The following C1QTNF7 variants were observed in gnomAD, a reference collection of about 807,000 sequenced individuals.
The protein encoded by C1QTNF7 is complement C1q tumor necrosis factor-related protein 7.
A neutral mutation model predicts 19.6 loss-of-function variants in C1QTNF7; 15 were observed. The ratio of observed to expected loss-of-function variants is 0.76; its 90% CI spans 0.51 to 1.18. C1QTNF7 has a LOEUF of 1.18. C1QTNF7 is among the 50% of genes most tolerant of loss of function. C1QTNF7 has a pLI of 0.00. For missense variants in C1QTNF7, 324 were observed against 359.7 expected, an observed-to-expected ratio of 0.90 and a Z score of 0.80; for synonymous variants, 142 against 137.5, an observed-to-expected ratio of 1.03 and a Z score of -0.23.
rs557588501 is a variant in C1QTNF7 at position 15,382,900 on chromosome 4, C to T, written c.13+42693C>T. ...TCACCACATTTCCTGGCCCAAGTGC[C>T]GCCAAAGTCATTACATGTTCATTGA... is the stretch of plus-strand genomic sequence containing the variant. On this transcript the variant is annotated intron_variant, in intron 1 of 2. Coordinates refer to the C1QTNF7 transcript ENST00000295297. Among the ~76,000 whole-genome samples, 21 of 152,294 alleles carry T rather than the reference C, an allele frequency of 1.4e-4. No individual in the cohort carries two copies. In the East Asian group the frequency reaches 1.9e-3, roughly 14 times the overall value.
Position 15,442,611 on chromosome 4 carries a change from C to G in C1QTNF7, c.682C>G (p.His228Asp). 1.2e-6 allele frequency: 2 copies of G among 1,614,168 alleles called. No homozygotes were observed. Among genetic ancestry groups the G allele is most frequent in the South Asian group, 2.2e-5 (2 of 91,078 alleles). The change falls in exon 3 of 3, where the codon CAT becomes GAT. Residue 228 changes from histidine to aspartate, a missense_variant. Coordinates refer to ENST00000444304, the MANE Select transcript of C1QTNF7 (RefSeq NM_031911.5). ...IKTFDANTGN[H>D]DVASGSTVIY... is the part of the protein sequence containing the mutation. ...GACCTTCGACGCCAACACAGGAAAC[C>G]ATGATGTGGCTTCGGGGTCCACAGT...
rs1393150376 is a variant in C1QTNF7, at chr4:15,442,327, CG to C, written c.402del (p.Leu135CysfsTer84). On this transcript the variant is annotated frameshift_variant, in exon 3 of 3. Coordinates refer to ENST00000444304, the MANE Select transcript of C1QTNF7 (RefSeq NM_031911.5). LOFTEE classifies it high-confidence loss of function. ...PKGDRGEQGD[P>X]GLPGVCRCGS... ...GGAGACAGAGGAGAACAAGGGGACC[CG>C]GGGCTGCCTGGAGTTTGCAGATGTG... 4 of 1,613,930 alleles carry C rather than the reference CG, an allele frequency of 2.5e-6. No individual in the cohort carries two copies. The highest frequency in any genetic ancestry group is 2.5e-6 in the Non-Finnish European group (3 of 1,180,016).
intron 1 of C1QTNF7, among the ~76,000 whole-genome samples, chr4:15,366,797 T>C (rs1458209470): frequency 6.6e-6 from 1 of 152,222 alleles, no homozygotes; most frequent in Non-Finnish European, 1.5e-5. Context: ...CTGAATGATC[T>C]ACCAACTAAG....
chr4:15,344,535 AC>A, intron 1 of C1QTNF7, among the ~76,000 whole-genome samples: 1 of 152,268 alleles, frequency 6.6e-6, no homozygotes, highest in Admixed American at 6.5e-5. Context: ...CCTCAGTTTA[AC>A]CCCTGTAAAA....
intron 1 of C1QTNF7, among the ~76,000 whole-genome samples, chr4:15,418,863 G>A (rs941703942): frequency 6.6e-5 from 10 of 152,188 alleles, no homozygotes; most frequent in Non-Finnish European, 1.0e-4. Context: ...CACAGAGTCT[G>A]CCCAGAGCCC....
chr4:15,354,895 T>C (rs1717078526), intron 1 of C1QTNF7, among the ~76,000 whole-genome samples: 1 of 152,140 alleles, frequency 6.6e-6, no homozygotes, highest in African/African-American at 2.4e-5. Flanking sequence ...GATAATTTTC[T>C]TTAGACATGT....
chr4:15,350,918 G>C (rs1716914194), intron 1 of C1QTNF7, among the ~76,000 whole-genome samples: 1 of 152,178 alleles, frequency 6.6e-6, no homozygotes, highest in Non-Finnish European at 1.5e-5. Flanking sequence ...TAATTACTTA[G>C]GATTCTAATC....
chr4:15,369,111 C>T (rs1276487344), intron 1 of C1QTNF7, among the ~76,000 whole-genome samples: 1 of 152,200 alleles, frequency 6.6e-6, no homozygotes, highest in Non-Finnish European at 1.5e-5. Context: ...TCATTTCCCT[C>T]GGCTTCTTCA....
chr4:15,435,956 A>C lies in C1QTNF7; in HGVS notation c.213A>C (p.Gly71=), dbSNP rs763359326. 7.4e-6 allele frequency: 12 copies of C among 1,613,768 alleles called. 1 individual carries two copies. The highest frequency in any genetic ancestry group is 1.7e-6 in the Non-Finnish European group (2 of 1,179,896). ...GAGATGGTAGAGACGGCAGGAAAGG[A>C]GAGAAAGGTGAAAAGGGAACTGCAG... ...PGRDGRDGRK[G]EKGEKGTAGL... The change falls in exon 2 of 3, where the codon GGA becomes GGC. Residue 71 remains glycine (G), a synonymous_variant. Transcript: ENST00000444304.
At chr4:15,377,781 A>G (rs1717996261) in intron 1 of C1QTNF7, among the ~76,000 whole-genome samples, 3 of 152,126 alleles carry the variant, frequency 2.0e-5, no homozygotes, top group African/African-American at 7.2e-5. Flanking sequence ...TGGCTTCTCC[A>G]CTTTCTAACT....
chr4:15,361,296 G>C (rs1284000901), intron 1 of C1QTNF7: 1 of 151,654 alleles, frequency 6.6e-6, no homozygotes, highest in Non-Finnish European at 1.5e-5. Flanking sequence ...TAAGAAACTG[G>C]CTTGGGGAGA....
intron 1 of C1QTNF7, among the ~76,000 whole-genome samples, chr4:15,341,814 G>A (rs1716549873): frequency 6.6e-6 from 1 of 152,204 alleles, no homozygotes; most frequent in South Asian, 2.1e-4. Flanking sequence ...CTAGAGCTGG[G>A]ATGGCCAGCG....
chr4:15,400,672 T>C (rs1347971842), intron 1 of C1QTNF7, among the ~76,000 whole-genome samples: 1 of 152,336 alleles, frequency 6.6e-6, no homozygotes, highest in East Asian at 1.9e-4. Flanking sequence ...CTAATGTTTG[T>C]TATAGAAATT....
At position 15,411,762 on chromosome 4, in the gene C1QTNF7, A is replaced by C. The variant is rs1391948660; in HGVS notation, c.14-23974A>C. Reference sequence around the variant, plus strand: ...AACCTGGTGGAGCAGTTACCATCTTATGGTTCTGAAAGTCAGAAGTCTCAG... The same window carrying C: ...AACCTGGTGGAGCAGTTACCATCTTCTGGTTCTGAAAGTCAGAAGTCTCAG... On this transcript the variant is annotated intron_variant, in intron 1 of 2. Coordinates refer to the C1QTNF7 transcript ENST00000295297. Among the ~76,000 whole-genome samples the C allele has an allele frequency of 3.9e-5, 6 of 152,278 alleles. No individual in the cohort carries two copies. In the South Asian group the frequency reaches 1.0e-3, roughly 26 times the overall value.
chr4:15,417,284 G>T (rs1041055277), intron 1 of C1QTNF7, among the ~76,000 whole-genome samples: 4 of 152,170 alleles, frequency 2.6e-5, no homozygotes, highest in Non-Finnish European at 4.4e-5. Context: ...CATCACTTCA[G>T]CAGAGAACCC....
At chr4:15,402,989 T>G (rs1372386267) in intron 1 of C1QTNF7, among the ~76,000 whole-genome samples, 12 of 151,888 alleles carry the variant, frequency 7.9e-5, no homozygotes, top group Non-Finnish European at 8.8e-5. Context: ...TTTCTGTTTT[T>G]TTTTTTTTTA....
chr4:15,425,149 T>C (rs1238267054), upstream of C1QTNF7, among the ~76,000 whole-genome samples: 2 of 152,052 alleles, frequency 1.3e-5, no homozygotes, highest in Non-Finnish European at 2.9e-5. Flanking sequence ...TAAGGCATCA[T>C]TTGAGCAAGA....
chr4:15,351,630 T>TG (rs1305329683), intron 1 of C1QTNF7, among the ~76,000 whole-genome samples: 2 of 152,062 alleles, frequency 1.3e-5, no homozygotes, highest in African/African-American at 4.8e-5. Flanking sequence ...TCAGAATCTC[T>TG]GGGGGTGGAA....
chr4:15,437,375 A>G (rs1300415937), intron 2 of C1QTNF7, among the ~76,000 whole-genome samples: 1 of 152,166 alleles, frequency 6.6e-6, no homozygotes, highest in Admixed American at 6.5e-5. Flanking sequence ...TAAGGGAAAG[A>G]GTACATGCAA....
Sources: allele counts gnomAD v4.1 joint callset (sites outside exome capture counted in the v4.1 genomes callset), GRCh38; gene constraint gnomAD v4.1.1; transcripts MANE v1.5; gene names NCBI Gene and HGNC (gene_info 2026-07-23, HGNC 2026-07-21).